The following PAX3 variants were observed in gnomAD, a reference collection of about 807,000 sequenced individuals.
PAX3 encodes paired box protein Pax-3.
A neutral mutation model predicts 51.6 loss-of-function variants in PAX3; 14 were observed. The ratio of observed to expected loss-of-function variants is 0.27; its 90% confidence interval spans 0.18 to 0.42. The LOEUF is 0.42. Ranked by LOEUF, PAX3 falls within the 10% of genes least tolerant of loss-of-function variation. The probability of loss-of-function intolerance (pLI) is 1.00; values close to 1 mark genes in which losing one functional copy is unlikely to be tolerated. For synonymous variants in PAX3, 280 were observed against 253.4 expected, an observed-to-expected ratio of 1.11 and a Z score of -1.00; for missense variants, 540 against 642.8, an observed-to-expected ratio of 0.84 and a Z score of 1.73.
At chr2:222,262,659 G>C (rs1280312478) in intron 4 of PAX3, 2 of 151,534 alleles carry the variant, frequency 1.3e-5, no homozygotes, top group Non-Finnish European at 2.9e-5. Flanking sequence ...GACAAACAGA[G>C]GACTAGAATA....
chr2:222,247,277 CAG>C (rs1693263093), intron 4 of PAX3, among the ~76,000 whole-genome samples: 1 of 152,084 alleles, frequency 6.6e-6, no homozygotes, highest in Non-Finnish European at 1.5e-5. Flanking sequence ...AGCCTCTGCA[CAG>C]AGAGAGTGAC....
intron 7 of PAX3, among the ~76,000 whole-genome samples, chr2:222,205,913 ACTT>A (rs1167742766): frequency 6.6e-6 from 1 of 152,162 alleles, no homozygotes; most frequent in Non-Finnish European, 1.5e-5. Flanking sequence ...TGGTAAATGA[ACTT>A]CTTTGAACTT....
At chr2:222,241,098 G>A (rs1425693824) in intron 4 of PAX3, among the ~76,000 whole-genome samples, 3 of 152,154 alleles carry the variant, frequency 2.0e-5, no homozygotes, top group Non-Finnish European at 4.4e-5. Context: ...CTACAGTAAG[G>A]CTCCATGTCT....
chr2:222,245,795 C>G (rs747346471), intron 4 of PAX3, among the ~76,000 whole-genome samples: 1 of 146,820 alleles, frequency 6.8e-6, no homozygotes, highest in African/African-American at 2.5e-5. Context: ...CATGGTGAAA[C>G]CCCATCTCTA....
intron 4 of PAX3, among the ~76,000 whole-genome samples, chr2:222,292,932 A>G (rs912712265): frequency 9.9e-5 from 15 of 152,236 alleles, no homozygotes; most frequent in Admixed American, 2.6e-4. Flanking sequence ...TTCCAAATCT[A>G]AATGTTCCTT....
chr2:222,214,730 T>C (rs1041595156), intron 7 of PAX3: 2 of 152,140 alleles, frequency 1.3e-5, no homozygotes, highest in African/African-American at 4.8e-5. Context: ...CAAATCTTTA[T>C]GAGAATTTTT....
At chr2:222,227,546 C>T (rs1055904817) in intron 5 of PAX3, among the ~76,000 whole-genome samples, 2 of 152,016 alleles carry the variant, frequency 1.3e-5, no homozygotes, top group African/African-American at 2.4e-5. Flanking sequence ...GAGCAGAGAT[C>T]GCACCACTGT....
chr2:222,282,445 A>T (rs894562835), intron 4 of PAX3, among the ~76,000 whole-genome samples: 1 of 152,214 alleles, frequency 6.6e-6, no homozygotes, highest in Non-Finnish European at 1.5e-5. Context: ...CTCTCTAAAA[A>T]TTTACAAATT....
At chr2:222,226,563 G>A (rs1195475615) in intron 5 of PAX3, among the ~76,000 whole-genome samples, 1 of 151,952 alleles carries the variant, frequency 6.6e-6, no homozygotes, top group African/African-American at 2.4e-5. Context: ...ACGGAGCTTA[G>A]GATATTCTAT....
Position 222,271,000 on chromosome 2 carries a change from G to A in PAX3, c.586+23167C>T, listed in dbSNP as rs564404528. The stretch of plus-strand genomic sequence containing the variant: ...CAGCTACCAAACCTTGTTTCAATGA[G>A]TACAAAAGGAATCAACAGATTCTAA... On this transcript the variant is annotated intron_variant, in intron 4 of 8. Coordinates refer to ENST00000392070, the MANE Select transcript of PAX3 (RefSeq NM_181458.4). 3.3e-5 allele frequency among the ~76,000 whole-genome samples: 5 copies of A among 152,310 alleles called. No homozygotes were observed. In the East Asian group the frequency reaches 9.6e-4, roughly 29 times the overall value.
At position 222,283,221 on chromosome 2, in the gene PAX3, T is replaced by C. The variant is rs115008946; in HGVS notation, c.586+10946A>G. Among the ~76,000 whole-genome samples, 234 of 152,312 alleles carry C rather than the reference T, an allele frequency of 1.5e-3. 1 individual carries two copies. The highest frequency in any genetic ancestry group is 5.2e-3 in the African/African-American group (218 of 41,556). On this transcript the variant is annotated intron_variant, in intron 4 of 8. Coordinates refer to ENST00000392070, the MANE Select transcript of PAX3 (RefSeq NM_181458.4). ...ACTATGCAGCTATACAAACAAGACA[T>C]TATGCAGAATAATTCCTGAGATATA...
chr2:222,279,428 T>C (rs1037078168), intron 4 of PAX3, among the ~76,000 whole-genome samples: 1 of 152,050 alleles, frequency 6.6e-6, no homozygotes, highest in African/African-American at 2.4e-5. Context: ...ACTTCACTCT[T>C]TTCACCTAAG....
chr2:222,220,416 G>T, intron 6 of PAX3, 62 bp from the exon 7 acceptor site: 2 of 1,523,326 alleles, frequency 1.3e-6, no homozygotes, highest in Non-Finnish European at 1.8e-6. Flanking sequence ...AAAGTTCAGT[G>T]CAAAAGTTCA....
chr2:222,225,350 C>T (rs949947870), intron 5 of PAX3, among the ~76,000 whole-genome samples: 10 of 151,954 alleles, frequency 6.6e-5, no homozygotes, highest in Non-Finnish European at 1.3e-4. Flanking sequence ...GTATAATGTC[C>T]AATGATTTTT....
chr2:222,216,982 C>A (rs942101551), intron 7 of PAX3, among the ~76,000 whole-genome samples: 1 of 152,188 alleles, frequency 6.6e-6, no homozygotes, highest in Non-Finnish European at 1.5e-5. Context: ...AAACTATAAC[C>A]AATTCGGTGT....
At chr2:222,214,606 C>T (rs1691879238) in intron 7 of PAX3, 1 of 151,958 alleles carries the variant, frequency 6.6e-6, no homozygotes, top group Non-Finnish European at 1.5e-5. Flanking sequence ...GATGATTCAG[C>T]CGAACTTACT....
chr2:222,253,494 C>T (rs1362763962), intron 4 of PAX3, among the ~76,000 whole-genome samples: 1 of 149,102 alleles, frequency 6.7e-6, no homozygotes, highest in East Asian at 2.2e-4. Context: ...ACAGAAATAA[C>T]AGTAAAACAA....
In PAX3 at chr2:222,201,087, A is replaced by G. The variant is rs1288166177; in HGVS notation, c.*321T>C. The stretch of plus-strand genomic sequence containing the variant: ...CGCACACAAGCAAATGGAATGTTCT[A>G]GCTCCTCGATGATCAGCACTAAAGA... On this transcript the variant is annotated 3_prime_UTR_variant, in exon 9 of 9. Coordinates refer to ENST00000392070, the MANE Select transcript of PAX3 (RefSeq NM_181458.4). The G allele has an allele frequency of 2.7e-5, 37 of 1,393,542 alleles. No homozygotes were observed. The highest frequency in any genetic ancestry group is 5.4e-5 in the Admixed American group (3 of 55,314). 86.3% of individuals were successfully genotyped at this position (1,393,542 alleles called of 1,614,324 possible). A position where few individuals can be genotyped will look rare whatever the true frequency, so the allele number is the denominator to read the frequency against.
intron 4 of PAX3, among the ~76,000 whole-genome samples, chr2:222,292,874 A>C (rs1427099214): frequency 6.6e-6 from 1 of 151,750 alleles, no homozygotes; most frequent in African/African-American, 2.4e-5. Flanking sequence ...TGTGCATCAG[A>C]GTATCTACAC....
Sources: gnomAD v4.1 joint callset for allele counts (sites outside exome capture counted in the v4.1 genomes callset) on GRCh38, gnomAD v4.1.1 for gene constraint, MANE v1.5 for transcripts, NCBI Gene and HGNC (gene_info 2026-07-23, HGNC 2026-07-21) for gene names.